Variants in ASAP2 observed in about 807,000 individuals in gnomAD.
The protein encoded by ASAP2 is arf-GAP with SH3 domain, ANK repeat and PH domain-containing protein 2.
In ASAP2, 45 loss-of-function variants were observed where a neutral mutation model predicts 131.4. The ratio of observed to expected loss-of-function variants is 0.34; its 90% confidence interval spans 0.27 to 0.44. The LOEUF is 0.44. ASAP2 is among the 20% of genes least tolerant of loss of function. The probability of loss-of-function intolerance (pLI) is 1.00; values close to 1 mark genes in which losing one functional copy is unlikely to be tolerated. For synonymous variants in ASAP2, 510 were observed against 503.0 expected (o/e 1.01, Z -0.19); for missense variants, 1,011 against 1,297.0 (o/e 0.78, Z 3.39).
At chr2:9,320,503 G>C (rs1670085348) in intron 5 of ASAP2, among the ~76,000 whole-genome samples, 166 bp downstream of exon 5, 1 of 152,212 alleles carries the variant, frequency 6.6e-6, no homozygotes, top group African/African-American at 2.4e-5. Context: ...GTTTGGTGAT[G>C]CTGTCTTCTT....
chr2:9,249,921 T>G lies in ASAP2; in HGVS notation c.127-29396T>G, dbSNP rs1383126916. ...GATCTGTGAGAAGTATGTAGGAACA[T>G]TGGGCCACCGTCTCCTGCCCATCAA... On this transcript the variant is annotated intron_variant, in intron 1 of 27. Transcript: ENST00000281419. Among the ~76,000 whole-genome samples, 3 of 152,196 alleles carry G rather than the reference T, an allele frequency of 2.0e-5. No homozygotes were observed. The East Asian group carries it at 5.8e-4, about 29-fold the overall frequency.
intron 11 of ASAP2, among the ~76,000 whole-genome samples, chr2:9,348,309 A>AATT (rs950802791): frequency 4.7e-5 from 7 of 148,222 alleles, no homozygotes; most frequent in Non-Finnish European, 1.0e-4. Context: ...TAGAGACTAA[A>AATT]AATCTCTACT....
chr2:9,289,781 C>A (rs1667690415), intron 2 of ASAP2, among the ~76,000 whole-genome samples: 1 of 152,158 alleles, frequency 6.6e-6, no homozygotes, highest in African/African-American at 2.4e-5. Flanking sequence ...ATAGCGCACA[C>A]CTTGGCCTGA....
Position 9,302,462 on chromosome 2 carries a change from T to C in ASAP2, c.345+5017T>C, listed in dbSNP as rs568613779. Among the ~76,000 whole-genome samples the C allele has an allele frequency of 3.5e-3, 526 of 151,296 alleles. 2 individuals are homozygous for C. The highest frequency in any genetic ancestry group is 5.5e-3 in the Non-Finnish European group (373 of 67,826). On this transcript the variant is annotated intron_variant, in intron 3 of 27. Coordinates refer to ENST00000281419, the MANE Select transcript of ASAP2 (RefSeq NM_003887.3). Reference sequence around the variant, plus strand: ...CTAGGATTGCAGGCATGAGCCACCATGCCTGGCCAACTTTTTTTGTTTGTT... The same window carrying C: ...CTAGGATTGCAGGCATGAGCCACCACGCCTGGCCAACTTTTTTTGTTTGTT...
chr2:9,393,552 GAGCA>G lies in ASAP2; in HGVS notation c.2593_2596del (p.Lys865LeufsTer37). On this transcript the variant is annotated frameshift_variant, in exon 24 of 28. Coordinates refer to ENST00000281419, the MANE Select transcript of ASAP2 (RefSeq NM_003887.3). LOFTEE classifies it high-confidence loss of function. Reference sequence around the variant, plus strand: ...GCGTAATGGAAGCCTTGAGCCAGCCGAGCAAGCCTGCCCCGCCTGGGATCTCACA... The same window carrying G: ...GCGTAATGGAAGCCTTGAGCCAGCCGAGCCTGCCCCGCCTGGGATCTCACA... The G allele has an allele frequency of 6.3e-7, 1 of 1,587,934 alleles. No homozygotes were observed. Among genetic ancestry groups the G allele is most frequent in the Non-Finnish European group, 8.6e-7 (1 of 1,169,502 alleles).
chr2:9,221,103 TG>T (rs1228425230), intron 1 of ASAP2, among the ~76,000 whole-genome samples: 1 of 152,152 alleles, frequency 6.6e-6, no homozygotes, highest in East Asian at 1.9e-4. Context: ...CTTTCAACTT[TG>T]TTTTTTTTTC....
At chr2:9,286,829 TG>T (rs1667499051) in intron 2 of ASAP2, among the ~76,000 whole-genome samples, 1 of 152,246 alleles carries the variant, frequency 6.6e-6, no homozygotes, top group Admixed American at 6.5e-5. Context: ...GCAAAATTTA[TG>T]TACACCGTGT....
Position 9,358,769 on chromosome 2 carries a change from T to G in ASAP2, c.1341T>G (p.Leu447=), listed in dbSNP as rs1422451164. 7.4e-6 allele frequency: 12 copies of G among 1,613,428 alleles called. No individual in the cohort carries two copies. Among genetic ancestry groups the G allele is most frequent in the Non-Finnish European group, 1.0e-5 (12 of 1,179,854 alleles). ...TCTCTTTGGCAGATCCTACATGGCT[T>G]TCCACCAACCTGGGCATCCTGACCT... ...CDCGAPDPTW[L]STNLGILTCI... is the part of the protein sequence containing the mutation. Residue 447 remains leucine (L), a synonymous_variant, in exon 15 of 28, where the codon CTT becomes CTG. Coordinates refer to ENST00000281419, the MANE Select transcript of ASAP2 (RefSeq NM_003887.3).
chr2:9,375,315 G>A (rs1284602925), intron 17 of ASAP2, among the ~76,000 whole-genome samples: 2 of 152,102 alleles, frequency 1.3e-5, no homozygotes, highest in Admixed American at 6.6e-5. Context: ...ACTGTGGCAG[G>A]TCTGTGGAAT....
Position 9,281,008 on chromosome 2 carries a change from G to T in ASAP2, c.199+1619G>T, listed in dbSNP as rs574299845. ...TTGTGTGCAGTGAGTGGCCCACTCT[G>T]TTTCAAAGCCACCATGCCTTCAGTG... On this transcript the variant is annotated intron_variant, in intron 2 of 27. Coordinates refer to ENST00000281419, the MANE Select transcript of ASAP2 (RefSeq NM_003887.3). The surrounding 1 kb of genome is among the most constrained non-coding windows in gnomAD (Gnocchi z 4.0). Among the ~76,000 whole-genome samples the T allele has an allele frequency of 2.1e-4, 32 of 152,310 alleles. No homozygotes were observed. The highest frequency in any genetic ancestry group is 3.9e-4 in the East Asian group (2 of 5,192).
intron 3 of ASAP2, among the ~76,000 whole-genome samples, chr2:9,297,827 T>C (rs1319094635): frequency 6.6e-6 from 1 of 152,210 alleles, no homozygotes; most frequent in Non-Finnish European, 1.5e-5. Flanking sequence ...AGGCCCATCT[T>C]ACACAGCAAG....
chr2:9,267,897 C>CAAAAAAAAAA (rs34716225), intron 1 of ASAP2, among the ~76,000 whole-genome samples: 2 of 65,020 alleles, frequency 3.1e-5, no homozygotes, highest in African/African-American at 7.0e-5. Context: ...GACTCTATCT[C>CAAAAAAAAAA]AAAAAAAAAA....
At chr2:9,361,438 A>C (rs562339656) in intron 15 of ASAP2, among the ~76,000 whole-genome samples, 56 of 152,230 alleles carry the variant, frequency 3.7e-4, no homozygotes, top group South Asian at 1.5e-3. Flanking sequence ...CTTATTCCTT[A>C]GCCCTTCAGT....
intron 12 of ASAP2, among the ~76,000 whole-genome samples, chr2:9,353,484 G>T (rs1001507388): frequency 2.0e-5 from 3 of 152,130 alleles, no homozygotes; most frequent in Non-Finnish European, 4.4e-5. Flanking sequence ...TTGAGTTCAG[G>T]AGGTTGAGGT....
At chr2:9,214,926 C>T (rs1328454926) in intron 1 of ASAP2, among the ~76,000 whole-genome samples, 2 of 152,142 alleles carry the variant, frequency 1.3e-5, no homozygotes, top group Admixed American at 1.3e-4. Flanking sequence ...GGTGATCTGC[C>T]TCTTCAGAAA....
At chr2:9,324,604 T>C (rs1195570839) in intron 6 of ASAP2, among the ~76,000 whole-genome samples, 3 of 152,084 alleles carry the variant, frequency 2.0e-5, no homozygotes, top group Non-Finnish European at 2.9e-5. Context: ...GCAGACACAC[T>C]CTTCTCATAA....
In ASAP2 at chr2:9,279,452, C is replaced by G. The variant is rs1666984274; in HGVS notation, c.199+63C>G. On this transcript the variant is annotated intron_variant, in intron 2 of 27. Transcript: ENST00000281419. ...AAATGTCGCATTTGAAGTCCTGGTA[C>G]CGTAATATTGATGACCATTAACAAA... 13 of 1,481,906 alleles carry G rather than the reference C, an allele frequency of 8.8e-6. No individual in the cohort carries two copies. In the South Asian group the frequency reaches 1.5e-4, roughly 17 times the overall value. The allele number at this position is 1,481,906 out of a possible 1,614,324, so 91.8% of individuals were successfully genotyped here.
chr2:9,396,021 G>C (rs80270860), intron 24 of ASAP2, among the ~76,000 whole-genome samples: 3,504 of 152,130 alleles, frequency 0.023, 145 homozygotes, highest in African/African-American at 0.08. Flanking sequence ...GACACCGTCC[G>C]TTTTGCCCTC....
intron 3 of ASAP2, among the ~76,000 whole-genome samples, chr2:9,300,647 C>T (rs1215554107): frequency 6.6e-6 from 1 of 152,200 alleles, no homozygotes; most frequent in Non-Finnish European, 1.5e-5. Context: ...TTCATTTATT[C>T]CTCTTGGCAG....
Sources: allele counts gnomAD v4.1 joint callset (sites outside exome capture counted in the v4.1 genomes callset), GRCh38; gene constraint gnomAD v4.1.1; non-coding constraint Gnocchi (gnomAD v3.1); transcripts MANE v1.5; gene names NCBI Gene and HGNC (gene_info 2026-07-23, HGNC 2026-07-21).